The following PRKCZ variants were observed in gnomAD, a reference collection of about 807,000 sequenced individuals.
PRKCZ encodes protein kinase C zeta type.
A neutral mutation model predicts 79.5 loss-of-function variants in PRKCZ; 33 were observed. That is an observed-to-expected ratio of 0.41 (90% CI 0.31 to 0.55). The LOEUF is 0.55. Ranked by LOEUF, PRKCZ falls within the 20% of genes least tolerant of loss-of-function variation. PRKCZ has a pLI of 0.19. For missense variants in PRKCZ, 578 were observed against 813.5 expected, an observed-to-expected ratio of 0.71 and a Z score of 3.52; for synonymous variants, 342 against 320.9, an observed-to-expected ratio of 1.07 and a Z score of -0.70.
chr1:2,066,917 A>G (rs1419609389), intron 4 of PRKCZ, among the ~76,000 whole-genome samples: 1 of 151,962 alleles, frequency 6.6e-6, no homozygotes, highest in African/African-American at 2.4e-5. Context: ...CATCACTATA[A>G]ATTTTCTCCT....
intron 10 of PRKCZ, among the ~76,000 whole-genome samples, chr1:2,166,389 A>G (rs539786287): frequency 5.8e-4 from 88 of 152,344 alleles, no homozygotes; most frequent in African/African-American, 1.9e-3. Context: ...ACTGCACTCC[A>G]GCCTGAGTGA....
At position 2,082,121 on chromosome 1, in the gene PRKCZ, C is replaced by G. The variant is rs1333712831; in HGVS notation, c.334+22530C>G. On this transcript the variant is annotated intron_variant, in intron 4 of 17. Coordinates refer to ENST00000378567, the MANE Select transcript of PRKCZ (RefSeq NM_002744.6). The surrounding 1 kb of genome is among the most constrained non-coding windows in gnomAD (Gnocchi z 4.4). The stretch of plus-strand genomic sequence containing the variant: ...GAAGGCGCCTAAGTGTCTTTCCACA[C>G]GGCCATCCGAGGGCGGACGTGGTCA... The G allele has an allele frequency of 3.1e-6, 1 of 319,904 alleles. No homozygotes were observed. Among genetic ancestry groups the G allele is most frequent in the Non-Finnish European group, 6.1e-6 (1 of 164,134 alleles). 19.8% of individuals were successfully genotyped at this position (319,904 alleles called of 1,614,324 possible).
At chr1:2,175,367 T>G in intron 16 of PRKCZ, 54 bp downstream of exon 16, 3 of 1,377,952 alleles carry the variant, frequency 2.2e-6, no homozygotes, top group Non-Finnish European at 2.0e-6. Flanking sequence ...ACCCCAAATC[T>G]ACCCAACCCC....
intron 4 of PRKCZ, chr1:2,073,857 A>AG (rs1376222169): frequency 6.6e-6 from 7 of 1,059,502 alleles, no homozygotes; most frequent in Non-Finnish European, 8.0e-6. Context: ...ACGGGAAGGA[A>AG]GATGCCTCCC....
At chr1:2,054,843 C>T (rs1472012344) in intron 1 of PRKCZ, among the ~76,000 whole-genome samples, 1 of 152,112 alleles carries the variant, frequency 6.6e-6, no homozygotes, top group African/African-American at 2.4e-5. Flanking sequence ...TGCCGGACCT[C>T]CCACAAGAGG....
intron 1 of PRKCZ, among the ~76,000 whole-genome samples, chr1:2,052,610 C>G (rs759110229): frequency 2.0e-5 from 3 of 152,072 alleles, no homozygotes; most frequent in African/African-American, 7.2e-5. Flanking sequence ...CTCCTCTCTG[C>G]TGCAGAGTGT....
chr1:2,107,001 G>A (rs1364848283), intron 4 of PRKCZ, among the ~76,000 whole-genome samples: 4 of 148,128 alleles, frequency 2.7e-5, no homozygotes, highest in African/African-American at 9.9e-5. Flanking sequence ...TTCACCAAAC[G>A]CAGCCAGGAT....
In PRKCZ at chr1:2,128,504, G is replaced by A. The variant is rs1417217889; in HGVS notation, c.335-6758G>A. Among the ~76,000 whole-genome samples, 3 of 152,246 alleles carry A rather than the reference G, an allele frequency of 2.0e-5. No individual in the cohort carries two copies. ...GGCGCGAGATTGCCATGGAAACTGAGCTCCTTAGAATTCCTGTGGCCGTCC... is the reference window on the plus strand; with the variant it reads ...GGCGCGAGATTGCCATGGAAACTGAACTCCTTAGAATTCCTGTGGCCGTCC... On this transcript the variant is annotated intron_variant, in intron 4 of 17. Transcript: ENST00000378567. This position sits in a 1 kb window ranked among gnomAD's most constrained non-coding sequence, Gnocchi z 6.5.
chr1:2,056,461 G>A lies in PRKCZ; in HGVS notation c.194-23G>A, dbSNP rs146811480. 36 of 1,609,122 alleles carry A rather than the reference G, an allele frequency of 2.2e-5. No homozygotes were observed. In the African/African-American group the frequency reaches 2.9e-4, roughly 13 times the overall value. On this transcript the variant is annotated intron_variant, in intron 2 of 17. Transcript: ENST00000378567. Reference sequence around the variant, plus strand: ...TTGCCTCGGGCCTTCGGCGACGTCAGCACCGTCTCCTGCCCCACCCAGGTG... The same window carrying A: ...TTGCCTCGGGCCTTCGGCGACGTCAACACCGTCTCCTGCCCCACCCAGGTG...
intron 4 of PRKCZ, among the ~76,000 whole-genome samples, chr1:2,080,438 A>G: frequency 6.9e-6 from 1 of 145,628 alleles, no homozygotes. Flanking sequence ...AGGAGGGCAA[A>G]GGCCCCTCTG....
At chr1:2,107,359 G>T (rs947612149) in intron 4 of PRKCZ, among the ~76,000 whole-genome samples, 1 of 152,180 alleles carries the variant, frequency 6.6e-6, no homozygotes, top group African/African-American at 2.4e-5. Flanking sequence ...CGCACGTCAC[G>T]TGTCCTGAGA....
At chr1:2,152,747 CAG>C (rs1266114911) in intron 9 of PRKCZ, among the ~76,000 whole-genome samples, 1 of 152,256 alleles carries the variant, frequency 6.6e-6, no homozygotes, top group African/African-American at 2.4e-5. Context: ...GCACGCTTGA[CAG>C]AACGGAGTTG....
At chr1:2,167,456 T>C (rs2103438170) in intron 10 of PRKCZ, among the ~76,000 whole-genome samples, 1 of 152,218 alleles carries the variant, frequency 6.6e-6, no homozygotes, top group East Asian at 1.9e-4. Context: ...GTGGAGGCCC[T>C]TCCCAGGCGC....
At chr1:2,081,266 C>T (rs1023018148) in intron 4 of PRKCZ, among the ~76,000 whole-genome samples, 2 of 151,776 alleles carry the variant, frequency 1.3e-5, no homozygotes, top group Admixed American at 1.3e-4. Flanking sequence ...TACCGTGTCG[C>T]TTACTTATTG....
At chr1:2,135,726 C>T (rs1425454076) in intron 5 of PRKCZ, among the ~76,000 whole-genome samples, 12 of 152,242 alleles carry the variant, frequency 7.9e-5, no homozygotes, top group Non-Finnish European at 2.9e-5. Context: ...CACAGTGTTG[C>T]CTAGTAGCTA....
At chr1:2,052,270 G>C (rs377514398) in intron 1 of PRKCZ, among the ~76,000 whole-genome samples, 1 of 152,154 alleles carries the variant, frequency 6.6e-6, no homozygotes, top group Non-Finnish European at 1.5e-5. Flanking sequence ...GGGCCGCCCC[G>C]TCCTCCCTCT....
chr1:2,177,950 G>A lies in PRKCZ; in HGVS notation c.1575+2637G>A, dbSNP rs557393700. Among the ~76,000 whole-genome samples, 3 of 152,294 alleles carry A rather than the reference G, an allele frequency of 2.0e-5. No individual in the cohort carries two copies. The highest frequency in any genetic ancestry group is 4.8e-5 in the African/African-American group (2 of 41,572). On this transcript the variant is annotated intron_variant, in intron 16 of 17. Coordinates refer to ENST00000378567, the MANE Select transcript of PRKCZ (RefSeq NM_002744.6). The surrounding 1 kb of genome is among the most constrained non-coding windows in gnomAD (Gnocchi z 6.4). ...ACCGACCGCCGACCCTGCCTCTGCC[G>A]TTTCCTTGCCACCCATCAGCTCTTG...
At chr1:2,086,683 G>A (rs969633539) in intron 4 of PRKCZ, among the ~76,000 whole-genome samples, 5 of 152,334 alleles carry the variant, frequency 3.3e-5, no homozygotes, top group Admixed American at 6.5e-5. Context: ...GGCTGTGCCC[G>A]GTGGGCGGTG....
At chr1:2,163,906 A>AT (rs2103394105) in intron 10 of PRKCZ, among the ~76,000 whole-genome samples, 1 of 152,180 alleles carries the variant, frequency 6.6e-6, no homozygotes, top group South Asian at 2.1e-4. Flanking sequence ...CTCAAAAAAA[A>AT]GAAAAAAAAA....
Sources: allele counts gnomAD v4.1 joint callset (sites outside exome capture counted in the v4.1 genomes callset), GRCh38; gene constraint gnomAD v4.1.1; non-coding constraint Gnocchi (gnomAD v3.1); transcripts MANE v1.5; gene names NCBI Gene and HGNC (gene_info 2026-07-23, HGNC 2026-07-21).